PLCB4: variants seen among roughly 807,000 people sequenced by gnomAD.
The protein encoded by PLCB4 is 1-phosphatidylinositol 4,5-bisphosphate phosphodiesterase beta-4.
Under a neutral mutation model 178.8 loss-of-function variants are expected in PLCB4, and 77 were observed. The ratio of observed to expected loss-of-function variants is 0.43; its 90% confidence interval spans 0.36 to 0.52. The LOEUF (loss-of-function observed/expected upper bound fraction) is 0.52. Ranked by LOEUF, PLCB4 falls within the 20% of genes least tolerant of loss-of-function variation. PLCB4 has a pLI of 0.00. For missense variants in PLCB4, 1,024 were observed against 1,453.4 expected (o/e 0.70, Z 4.80); for synonymous variants, 496 against 490.8 (o/e 1.01, Z -0.14).
chr20:9,441,799 G>A (rs953091943), intron 30 of PLCB4, among the ~76,000 whole-genome samples: 1 of 152,190 alleles, frequency 6.6e-6, no homozygotes, highest in East Asian at 1.9e-4. Context: ...CATAGTGTGT[G>A]GCTGGAGCAG....
intron 3 of PLCB4, among the ~76,000 whole-genome samples, chr20:9,240,631 C>G (rs973464521): frequency 1.3e-5 from 2 of 152,196 alleles, no homozygotes; most frequent in African/African-American, 4.8e-5. Flanking sequence ...TCAGTTCCCT[C>G]TGGGCATATT....
At chr20:9,458,001 T>A (rs1368963119) in intron 34 of PLCB4, among the ~76,000 whole-genome samples, 1 of 151,926 alleles carries the variant, frequency 6.6e-6, no homozygotes, top group Non-Finnish European at 1.5e-5. Context: ...GAGACTTTAA[T>A]CAACTTTGTG....
chr20:9,378,544 C>T (rs1038473851), intron 12 of PLCB4, among the ~76,000 whole-genome samples: 1 of 152,130 alleles, frequency 6.6e-6, no homozygotes, highest in Non-Finnish European at 1.5e-5. Context: ...CAAGGTGTAG[C>T]ATGCCTTCAC....
intron 1 of PLCB4, among the ~76,000 whole-genome samples, chr20:9,079,728 C>A (rs1267917244): frequency 6.6e-6 from 1 of 152,118 alleles, no homozygotes; most frequent in Non-Finnish European, 1.5e-5. Flanking sequence ...ACTGCATCTA[C>A]AGTGATTAAA....
At chr20:9,195,612 G>A (rs761697055) in intron 2 of PLCB4, among the ~76,000 whole-genome samples, 1 of 152,026 alleles carries the variant, frequency 6.6e-6, no homozygotes, top group Non-Finnish European at 1.5e-5. Context: ...CTTGGACATC[G>A]GTGCTCCTGG....
chr20:9,408,208 C>T, intron 22 of PLCB4, 150 bp downstream of exon 22: 1 of 676,388 alleles, frequency 1.5e-6, no homozygotes, highest in Non-Finnish European at 2.6e-6. Flanking sequence ...CCATAGAAGC[C>T]ACCTTGGTAT....
At chr20:9,440,464 T>A (rs2042039688) in intron 30 of PLCB4, among the ~76,000 whole-genome samples, 1 of 152,184 alleles carries the variant, frequency 6.6e-6, no homozygotes, top group Non-Finnish European at 1.5e-5. Flanking sequence ...CAATTCAACA[T>A]ATGCTCTCTA....
chr20:9,169,744 C>T (rs1363438718), intron 2 of PLCB4, among the ~76,000 whole-genome samples: 1 of 152,016 alleles, frequency 6.6e-6, no homozygotes, highest in Non-Finnish European at 1.5e-5. Flanking sequence ...TACTTTCCTC[C>T]ACAACATTGT....
chr20:9,243,703 G>A (rs2094092568), intron 3 of PLCB4, among the ~76,000 whole-genome samples: 1 of 152,194 alleles, frequency 6.6e-6, no homozygotes, highest in Admixed American at 6.5e-5. Flanking sequence ...AGGGGAGGCA[G>A]CAAAGCAGAG....
intron 35 of PLCB4, among the ~76,000 whole-genome samples, chr20:9,460,928 G>A (rs992225193): frequency 2.6e-5 from 4 of 152,098 alleles, no homozygotes; most frequent in African/African-American, 7.2e-5. Flanking sequence ...GTACCCCCAT[G>A]CATTTTAAAG....
rs11469240 is a variant in PLCB4 at position 9,398,689 on chromosome 20, G to GTATTAT, written c.1511-2781_1511-2776dup. 7.4e-3 allele frequency among the ~76,000 whole-genome samples: 1,117 copies of GTATTAT among 150,290 alleles called. 19 individuals are homozygous for GTATTAT. The highest frequency in any genetic ancestry group is 0.026 in the African/African-American group (1,070 of 40,562). On this transcript the variant is annotated intron_variant, in intron 19 of 39. Coordinates refer to ENST00000378473, the MANE Select transcript of PLCB4 (RefSeq NM_001377142.1). Reference sequence around the variant, plus strand: ...ACCTGTATACAGCCTGATGAAATGGGTATTATTATTATTATTATTATTATT... The same window carrying GTATTAT: ...ACCTGTATACAGCCTGATGAAATGGGTATTATTATTATTATTATTATTATTATTATT...
intron 7 of PLCB4, among the ~76,000 whole-genome samples, chr20:9,340,581 T>C (rs1031511586): frequency 2.0e-5 from 3 of 152,138 alleles, no homozygotes; most frequent in African/African-American, 7.2e-5. Context: ...GATTTTGCAG[T>C]GCCTTCAAGT....
intron 11 of PLCB4, 38 bp downstream of exon 11, chr20:9,372,441 A>G (rs747934937): frequency 9.9e-7 from 1 of 1,007,950 alleles, no homozygotes; most frequent in Non-Finnish European, 1.5e-6. Flanking sequence ...TATAAATATT[A>G]TCACTGTCCT....
chr20:9,408,980 T>C, intron 23 of PLCB4, 77 bp from the exon 24 acceptor site: 2 of 1,345,314 alleles, frequency 1.5e-6, no homozygotes, highest in Middle Eastern at 2.1e-4. Context: ...GCCTAGACCT[T>C]TGTTGTTTTA....
chr20:9,261,834 G>A (rs2094300497), intron 3 of PLCB4, among the ~76,000 whole-genome samples: 1 of 151,668 alleles, frequency 6.6e-6, no homozygotes, highest in Admixed American at 6.6e-5. Flanking sequence ...TCTCCAATAA[G>A]TGAAAAAACA....
At chr20:9,307,393 C>G (rs2094780796) in intron 3 of PLCB4, among the ~76,000 whole-genome samples, 1 of 151,980 alleles carries the variant, frequency 6.6e-6, no homozygotes, top group African/African-American at 2.4e-5. Context: ...ACCTTCAAGC[C>G]CATAGTGCCC....
At chr20:9,128,378 T>C (rs1208261983) in intron 2 of PLCB4, among the ~76,000 whole-genome samples, 1 of 152,140 alleles carries the variant, frequency 6.6e-6, no homozygotes, top group Non-Finnish European at 1.5e-5. Context: ...CATTTCTTTG[T>C]AGAGATACCA....
At chr20:9,431,269 C>T (rs1455461347) in intron 28 of PLCB4, among the ~76,000 whole-genome samples, 1 of 151,924 alleles carries the variant, frequency 6.6e-6, no homozygotes, top group African/African-American at 2.4e-5. Flanking sequence ...ACTCCATGTT[C>T]TCTCCCTTCT....
chr20:9,366,314 A>G (rs557470657), intron 9 of PLCB4, among the ~76,000 whole-genome samples: 1 of 148,026 alleles, frequency 6.8e-6, no homozygotes, highest in South Asian at 2.3e-4. Flanking sequence ...GGAGAATGGC[A>G]TGGAACCTGG....
Sources: gnomAD v4.1 joint callset for allele counts (sites outside exome capture counted in the v4.1 genomes callset) on GRCh38, gnomAD v4.1.1 for gene constraint, MANE v1.5 for transcripts, NCBI Gene and HGNC (gene_info 2026-07-23, HGNC 2026-07-21) for gene names.